The following MSI2 variants were observed in gnomAD, a reference collection of about 807,000 sequenced individuals.
The protein encoded by MSI2 is musashi RNA binding protein 2, also known as RNA-binding protein Musashi homolog 2.
A neutral mutation model predicts 45.6 loss-of-function variants in MSI2; 17 were observed. The observed-to-expected ratio is 0.37, with a 90% CI of 0.26 to 0.56. The LOEUF (loss-of-function observed/expected upper bound fraction) is 0.56. MSI2 is among the 20% of genes least tolerant of loss of function. The pLI, the probability that MSI2 is intolerant of heterozygous loss-of-function variation, is 0.77. For missense variants in MSI2, 293 were observed against 444.2 expected (o/e 0.66, Z 3.06); for synonymous variants, 156 against 158.2 (o/e 0.99, Z 0.11).
At chr17:57,462,844 G>A (rs1273460279) in intron 6 of MSI2, among the ~76,000 whole-genome samples, 1 of 152,162 alleles carries the variant, frequency 6.6e-6, no homozygotes. Context: ...AATTGCAAGG[G>A]CTGCTGTGCC....
chr17:57,513,709 G>GCT (rs1311150409), intron 6 of MSI2, among the ~76,000 whole-genome samples: 1 of 152,160 alleles, frequency 6.6e-6, no homozygotes, highest in Non-Finnish European at 1.5e-5. Flanking sequence ...CCCCTCCCGG[G>GCT]CTCTCAAACC....
chr17:57,502,760 G>A (rs528209027), intron 6 of MSI2, among the ~76,000 whole-genome samples: 3 of 151,080 alleles, frequency 2.0e-5, no homozygotes, highest in Non-Finnish European at 3.0e-5. Context: ...GCACAGAGGC[G>A]CATGTGTTGG....
At chr17:57,697,984 C>A in the MSI2 span, among the ~76,000 whole-genome samples, 1 of 152,082 alleles carries the variant, frequency 6.6e-6, no homozygotes, top group Non-Finnish European at 1.5e-5. Context: ...TCCCTCACTG[C>A]CTCCCACACT....
At chr17:57,350,459 G>A (rs911651420) in intron 5 of MSI2, among the ~76,000 whole-genome samples, 1 of 152,118 alleles carries the variant, frequency 6.6e-6, no homozygotes, top group Non-Finnish European at 1.5e-5. Flanking sequence ...CATGTGATTG[G>A]CCTTTGGAGA....
At chr17:57,446,675 G>A (rs1445986055) in intron 6 of MSI2, among the ~76,000 whole-genome samples, 1 of 152,208 alleles carries the variant, frequency 6.6e-6, no homozygotes, top group African/African-American at 2.4e-5. Context: ...TCAAAGAGAT[G>A]CACTCACATG....
chr17:57,352,860 C>T (rs960152463), intron 5 of MSI2, among the ~76,000 whole-genome samples: 3 of 152,196 alleles, frequency 2.0e-5, no homozygotes, highest in Non-Finnish European at 4.4e-5. Context: ...TCCTCTGCTG[C>T]TTCAGCCCTG....
At chr17:57,368,596 TATG>T (rs2083375470) in intron 5 of MSI2, among the ~76,000 whole-genome samples, 2 of 152,188 alleles carry the variant, frequency 1.3e-5, no homozygotes, top group African/African-American at 4.8e-5. Context: ...TGATTTCTAA[TATG>T]ATAAATATTG....
chr17:57,555,013 G>T (rs1467950678), intron 7 of MSI2, among the ~76,000 whole-genome samples: 1 of 152,236 alleles, frequency 6.6e-6, no homozygotes, highest in Non-Finnish European at 1.5e-5. Flanking sequence ...TGGGCACTCG[G>T]CTGAGCTCCT....
chr17:57,687,362 A>C (rs1913907400), downstream of MSI2, among the ~76,000 whole-genome samples: 1 of 152,094 alleles, frequency 6.6e-6, no homozygotes, highest in Non-Finnish European at 1.5e-5. Flanking sequence ...ATAAGTCCAA[A>C]GGCTGTATTT....
chr17:57,474,853 G>C (rs562258509), intron 6 of MSI2, among the ~76,000 whole-genome samples: 10 of 152,136 alleles, frequency 6.6e-5, no homozygotes, highest in Admixed American at 5.9e-4. Flanking sequence ...TGAGTAGCTG[G>C]GATTACAGGC....
chr17:57,256,973 C>T lies in MSI2; in HGVS notation c.63-125C>T, dbSNP rs568578044. 8.0e-6 allele frequency: 12 copies of T among 1,507,104 alleles called. No homozygotes were observed. The East Asian group carries it at 2.8e-4, about 35-fold the overall frequency. The allele number at this position is 1,507,104 out of a possible 1,614,324, so 93.4% of individuals were successfully genotyped here. A position where few individuals can be genotyped will look rare whatever the true frequency, so the allele number is the denominator to read the frequency against. ...ATTGCATTTCGCCGTCACCTTCTCC[C>T]CCACCCCACCTCCCGGCTCTCGCTC... On this transcript the variant is annotated intron_variant, in intron 1 of 13. Transcript: ENST00000284073.
At chr17:57,288,783 G>A (rs796979144) in intron 5 of MSI2, among the ~76,000 whole-genome samples, 4 of 152,304 alleles carry the variant, frequency 2.6e-5, no homozygotes, top group African/African-American at 9.6e-5. Context: ...CCACAACTTT[G>A]GCACTGTTGA....
chr17:57,538,910 C>T (rs998398836), intron 7 of MSI2, among the ~76,000 whole-genome samples: 4 of 152,208 alleles, frequency 2.6e-5, no homozygotes, highest in Non-Finnish European at 5.9e-5. Context: ...CTTATCTTCT[C>T]TGCAACTCAG....
intron 5 of MSI2, among the ~76,000 whole-genome samples, chr17:57,310,893 C>T (rs1398082940): frequency 6.6e-6 from 1 of 152,176 alleles, no homozygotes; most frequent in South Asian, 2.1e-4. Flanking sequence ...CCTTTTCTGC[C>T]CCTTACTATC....
At chr17:57,420,533 C>T (rs2084375744) in intron 6 of MSI2, among the ~76,000 whole-genome samples, 2 of 152,220 alleles carry the variant, frequency 1.3e-5, no homozygotes, top group African/African-American at 4.8e-5. Context: ...CCAAGAGCAA[C>T]CTGCCGAGGG....
chr17:57,367,628 A>G (rs928861429), intron 5 of MSI2, among the ~76,000 whole-genome samples: 1 of 152,150 alleles, frequency 6.6e-6, no homozygotes, highest in Non-Finnish European at 1.5e-5. Context: ...CTGGAGGCTT[A>G]TTAAGGGGGA....
chr17:57,688,292 G>T (rs565142001), downstream of MSI2, among the ~76,000 whole-genome samples: 14 of 152,136 alleles, frequency 9.2e-5, no homozygotes, highest in South Asian at 2.9e-3. Flanking sequence ...CAGAAAAATT[G>T]CTACTAAAAT....
intron 7 of MSI2, among the ~76,000 whole-genome samples, chr17:57,543,802 T>A (rs777866539): frequency 1.5e-4 from 23 of 152,242 alleles, no homozygotes; most frequent in Non-Finnish European, 2.8e-4. Context: ...TTTGCCCATA[T>A]GTTTTACAGC....
intron 6 of MSI2, among the ~76,000 whole-genome samples, chr17:57,458,841 G>A (rs1329281933): frequency 2.6e-5 from 4 of 152,218 alleles, no homozygotes; most frequent in Admixed American, 6.5e-5. Flanking sequence ...TGTGCAGGCC[G>A]TGGGAGGATA....
Sources: gnomAD v4.1 joint callset for allele counts (sites outside exome capture counted in the v4.1 genomes callset) on GRCh38, gnomAD v4.1.1 for gene constraint, MANE v1.5 for transcripts, NCBI Gene and HGNC (gene_info 2026-07-23, HGNC 2026-07-21) for gene names.